Variants in ING4 observed in about 807,000 individuals in gnomAD.
ING4 encodes the protein inhibitor of growth family member 4.
ING4 carries 28 observed loss-of-function variants against 33.1 expected under a neutral mutation model. That is an observed-to-expected ratio of 0.85 (90% CI 0.63 to 1.16). The LOEUF (loss-of-function observed/expected upper bound fraction) is 1.16, where lower values mean the gene tolerates loss of function less well. Among genes scored for constraint, ING4 ranks in the 50% most tolerant of loss-of-function variants. The pLI, the probability that ING4 is intolerant of heterozygous loss-of-function variation, is 0.00. For missense variants in ING4, 247 were observed against 314.7 expected (o/e 0.78, Z 1.63); for synonymous variants, 87 against 104.4 (o/e 0.83, Z 1.02).
chr12:6,652,985 T>C lies in ING4; in HGVS notation c.342A>G (p.Lys114=). 6.2e-7 allele frequency: 1 copy of C among 1,614,084 alleles called. No individual in the cohort carries two copies. The highest frequency in any genetic ancestry group is 1.7e-5 in the Admixed American group (1 of 60,000). ...LARFEADLKE[K]QIESSDYDSS... is the part of the protein sequence containing the mutation. ...TGTCATAGTCACTTGACTCAATCTG[T>C]TTCTCCTTGAGATCAGCCTCAAAAC... The change falls in exon 4 of 8, where the codon AAA becomes AAG. Residue 114 remains lysine (K), a synonymous_variant. Transcript: ENST00000341550.
rs1290351346 is a variant in ING4 at position 6,652,644 on chromosome 12, G to A, written c.497+18C>T. 19 of 1,605,616 alleles carry A rather than the reference G, an allele frequency of 1.2e-5. No individual in the cohort carries two copies. The highest frequency in any genetic ancestry group is 1.6e-5 in the Non-Finnish European group (19 of 1,173,168). On this transcript the variant is annotated intron_variant, in intron 5 of 7. Coordinates refer to ENST00000341550, the MANE Select transcript of ING4 (RefSeq NM_016162.4). ...AGAAGAGGATGTCATCCGGCAAAGG[G>A]CTCCCTGAATCACTCACGTGCGCAC...
chr12:6,662,829 C>T (rs1308445121), intron 1 of ING4, among the ~76,000 whole-genome samples: 1 of 152,132 alleles, frequency 6.6e-6, no homozygotes, highest in Non-Finnish European at 1.5e-5. Flanking sequence ...CACACTAGCC[C>T]TTCAAGACAC....
At chr12:6,661,412 T>TG (rs1235080687) in intron 1 of ING4, among the ~76,000 whole-genome samples, 8 of 141,340 alleles carry the variant, frequency 5.7e-5, no homozygotes, top group African/African-American at 2.2e-4. Flanking sequence ...CTTTGTTTTT[T>TG]TTTTTTTTTT....
At chr12:6,654,331 C>CTTT (rs1238643921) in intron 2 of ING4, among the ~76,000 whole-genome samples, 2 of 138,984 alleles carry the variant, frequency 1.4e-5, no homozygotes, top group Non-Finnish European at 3.1e-5. Context: ...CTCTATTTTT[C>CTTT]TTTTTTTTTT....
chr12:6,652,280 G>A lies in ING4; in HGVS notation c.636C>T (p.Asp212=). The A allele has an allele frequency of 6.2e-7, 1 of 1,613,978 alleles. No homozygotes were observed. The highest frequency in any genetic ancestry group is 8.5e-7 in the Non-Finnish European group (1 of 1,179,918). The change falls in exon 6 of 8, where the codon GAC becomes GAT. Residue 212 remains aspartate, a synonymous_variant. Transcript: ENST00000341550. The stretch of plus-strand genomic sequence containing the variant: ...GCAAAATGTTTCTCACATCAGGGTT[G>A]TCACAGCCAATCATCTCTCCATAGG... The part of the protein sequence containing the change: ...QVSYGEMIGC[D]NPDCSIEWFH...
intron 5 of ING4, 69 bp from the exon 6 acceptor site, chr12:6,652,487 T>C (rs1949213390): frequency 1.3e-6 from 2 of 1,539,616 alleles, no homozygotes; most frequent in Non-Finnish European, 1.8e-6. Context: ...CTTTCAGAGG[T>C]GGCAGGAGAT....
chr12:6,650,734 C>CTGG lies in ING4; in HGVS notation c.*458_*460dup, dbSNP rs1387856553. The CTGG allele has an allele frequency of 6.0e-6, 1 of 166,544 alleles. No homozygotes were observed. Among genetic ancestry groups the CTGG allele is most frequent in the Admixed American group, 5.8e-5 (1 of 17,368 alleles). The allele number at this position is 166,544 out of a possible 1,614,324, so 10.3% of individuals were successfully genotyped here. On this transcript the variant is annotated 3_prime_UTR_variant, in exon 8 of 8. Transcript: ENST00000341550. ...CAACTAGGGCCAGAGCCTAGATGAC[C>CTGG]TGGTGGATCCCCCACCATGAAAAAA...
In ING4 at chr12:6,653,407, G is replaced by A. The variant is rs771387644; in HGVS notation, c.110-11C>T. ...TTTCAGCCTTCAGGTCTACAACAGA[G>A]ACAGAGGCCTGGTCACAATGGCCCC... On this transcript the variant is annotated splice_polypyrimidine_tract_variant and intron_variant, in intron 2 of 7. Coordinates refer to ENST00000341550, the MANE Select transcript of ING4 (RefSeq NM_016162.4). 4.3e-6 allele frequency: 7 copies of A among 1,612,096 alleles called. No individual in the cohort carries two copies. Among genetic ancestry groups the A allele is most frequent in the Non-Finnish European group, 5.9e-6 (7 of 1,179,054 alleles).
chr12:6,656,367 GGTT>G (rs1182002772), intron 2 of ING4: 4 of 240,034 alleles, frequency 1.7e-5, no homozygotes, highest in Non-Finnish European at 3.2e-5. Flanking sequence ...GTAGAGATGG[GGTT>G]TCACCATGTG....
intron 5 of ING4, 118 bp downstream of exon 5, chr12:6,652,544 G>T: frequency 1.5e-6 from 2 of 1,366,640 alleles, no homozygotes; most frequent in South Asian, 2.5e-5. Context: ...ATACCAAAAT[G>T]ATAAGAAGAG....
chr12:6,654,293 G>A (rs1263731814), intron 2 of ING4, among the ~76,000 whole-genome samples: 1 of 150,672 alleles, frequency 6.6e-6, no homozygotes, highest in Non-Finnish European at 1.5e-5. Flanking sequence ...CAACATCCAT[G>A]TAACAATTCT....
intron 1 of ING4, among the ~76,000 whole-genome samples, chr12:6,662,720 G>A (rs1949595173): frequency 6.6e-6 from 1 of 152,180 alleles, no homozygotes; most frequent in African/African-American, 2.4e-5. Flanking sequence ...TTCTCCAAAT[G>A]GCAGTGTGTG....
At chr12:6,661,406 GTTT>G (rs1174675715) in intron 1 of ING4, among the ~76,000 whole-genome samples, 1 of 118,580 alleles carries the variant, frequency 8.4e-6, no homozygotes, top group African/African-American at 3.7e-5. Context: ...ACCAGCCTTT[GTTT>G]TTTTTTTTTT....
At chr12:6,652,566 G>C in intron 5 of ING4, 96 bp downstream of exon 5, 1 of 1,380,910 alleles carries the variant, frequency 7.2e-7, no homozygotes, top group Non-Finnish European at 1.0e-6. Flanking sequence ...TCTTGGCGCA[G>C]ACATATAGAA....
intron 1 of ING4, among the ~76,000 whole-genome samples, chr12:6,661,768 C>G (rs1053164925): frequency 6.6e-6 from 1 of 152,036 alleles, no homozygotes; most frequent in South Asian, 2.1e-4. Context: ...ACCTTAGATT[C>G]TTCCTTCTCT....
Position 6,656,663 on chromosome 12 carries a change from C to G in ING4, c.109+64G>C. The G allele has an allele frequency of 3.3e-6, 3 of 919,484 alleles. No homozygotes were observed. The South Asian group carries it at 4.6e-5, about 14-fold the overall frequency. The allele number at this position is 919,484 out of a possible 1,614,324, so 57.0% of individuals were successfully genotyped here. ...ATCATACCAGATGATACGGTAACATCAAGTAGAAAAATAAATGATTACACA... is the reference window on the plus strand; with the variant it reads ...ATCATACCAGATGATACGGTAACATGAAGTAGAAAAATAAATGATTACACA... On this transcript the variant is annotated intron_variant, in intron 2 of 7. Transcript: ENST00000341550.
intron 1 of ING4, among the ~76,000 whole-genome samples, chr12:6,659,736 C>G (rs1949486514): frequency 1.3e-5 from 2 of 151,424 alleles, no homozygotes; most frequent in Admixed American, 1.3e-4. Context: ...TGGCGTGCAT[C>G]CAGGAGGTGG....
intron 2 of ING4, 90 bp from the exon 3 acceptor site, chr12:6,653,486 T>C (rs1949251370): frequency 1.6e-6 from 2 of 1,279,130 alleles, no homozygotes; most frequent in Middle Eastern, 4.3e-4. Flanking sequence ...CCTTTTCCAT[T>C]GATTAGCATA....
intron 2 of ING4, among the ~76,000 whole-genome samples, chr12:6,654,976 C>G (rs1364403498): frequency 6.6e-6 from 1 of 152,142 alleles, no homozygotes; most frequent in African/African-American, 2.4e-5. Context: ...CTGCCCGCCT[C>G]GGCCTCCCAA....
Sources: gnomAD v4.1 joint callset for allele counts (sites outside exome capture counted in the v4.1 genomes callset) on GRCh38, gnomAD v4.1.1 for gene constraint, MANE v1.5 for transcripts, NCBI Gene and HGNC (gene_info 2026-07-23, HGNC 2026-07-21) for gene names.